TMCC3: variants seen among roughly 807,000 people sequenced by gnomAD.
TMCC3 encodes transmembrane and coiled-coil domain protein 3.
In TMCC3, 28 loss-of-function variants were observed where a neutral mutation model predicts 40.2. The observed-to-expected ratio is 0.70, with a 90% confidence interval of 0.52 to 0.95. TMCC3 has a LOEUF of 0.95. Ranked by LOEUF, TMCC3 falls within the 40% of genes least tolerant of loss-of-function variation. TMCC3 has a pLI of 0.00. For missense variants in TMCC3, 554 were observed against 615.2 expected (o/e 0.90, Z 1.05); for synonymous variants, 255 against 248.5 (o/e 1.03, Z -0.25).
intron 1 of TMCC3, among the ~76,000 whole-genome samples, chr12:94,646,431 C>T (rs1198016832): frequency 3.3e-5 from 3 of 90,732 alleles, no homozygotes; most frequent in Non-Finnish European, 6.1e-5. Context: ...AAGCACACAC[C>T]TTTTTTTTTT....
At chr12:94,632,202 A>G (rs958362782) in intron 1 of TMCC3, among the ~76,000 whole-genome samples, 1 of 152,246 alleles carries the variant, frequency 6.6e-6, no homozygotes. Flanking sequence ...TGATAGAAAT[A>G]TTCTACATCT....
At chr12:94,589,161 C>T (rs1325945172) in intron 1 of TMCC3, among the ~76,000 whole-genome samples, 1 of 151,574 alleles carries the variant, frequency 6.6e-6, no homozygotes, top group African/African-American at 2.4e-5. Context: ...CATTGGCTAT[C>T]GTTAGTGTTA....
At position 94,639,668 on chromosome 12, in the gene TMCC3, AAC is replaced by A. The variant is rs3073591; in HGVS notation, c.78+10683_78+10684del. ...AGATTACAGGAAACACATATATGTA[AAC>A]ACACACACACACACACACACACACA... On this transcript the variant is annotated intron_variant, in intron 1 of 3. Coordinates refer to ENST00000261226, the MANE Select transcript of TMCC3 (RefSeq NM_020698.4). Among the ~76,000 whole-genome samples the A allele has an allele frequency of 5.2e-3, 643 of 124,100 alleles. 1 individual carries two copies. Among genetic ancestry groups the A allele is most frequent in the Middle Eastern group, 0.012 (3 of 250 alleles). The allele number at this position is 124,100 out of a possible 152,430, so 81.4% of individuals were successfully genotyped here. A position where few individuals can be genotyped will look rare whatever the true frequency, so the allele number is the denominator to read the frequency against.
At chr12:94,614,164 T>C (rs1300632280) in intron 1 of TMCC3, among the ~76,000 whole-genome samples, 1 of 152,062 alleles carries the variant, frequency 6.6e-6, no homozygotes, top group Admixed American at 6.6e-5. Context: ...GTGTGTTTGC[T>C]TAAGCTGTAG....
intron 1 of TMCC3, among the ~76,000 whole-genome samples, chr12:94,604,911 G>C (rs915561169): frequency 2.0e-5 from 3 of 151,756 alleles, no homozygotes; most frequent in African/African-American, 7.3e-5. Context: ...AATTGACTTA[G>C]AGGCAGCTCA....
chr12:94,604,444 A>C (rs1566325322), intron 1 of TMCC3, among the ~76,000 whole-genome samples: 1 of 152,080 alleles, frequency 6.6e-6, no homozygotes, highest in Non-Finnish European at 1.5e-5. Flanking sequence ...AAAGAACTGG[A>C]GTCAGAGAAA....
intron 1 of TMCC3, among the ~76,000 whole-genome samples, chr12:94,620,342 T>C (rs753168073): frequency 9.9e-4 from 150 of 151,308 alleles, no homozygotes; most frequent in Non-Finnish European, 1.6e-3. Flanking sequence ...GGCTGGAGTG[T>C]AATGGCGCGA....
At chr12:94,590,990 AG>A (rs2068671390) in intron 1 of TMCC3, 1 of 560,312 alleles carries the variant, frequency 1.8e-6, no homozygotes, top group Non-Finnish European at 3.6e-6. Flanking sequence ...TTGGGAGATG[AG>A]GAAGAAACCG....
chr12:94,571,461 T>C lies in TMCC3; in HGVS notation c.1408A>G (p.Ile470Val), dbSNP rs1408759173. 1.2e-6 allele frequency: 2 copies of C among 1,613,992 alleles called. No homozygotes were observed. The highest frequency in any genetic ancestry group is 1.7e-5 in the Admixed American group (1 of 60,030). Reference protein sequence around the residue: ...CKNWDHILCAIERMIIPR With the variant: ...CKNWDHILCAVERMIIPR ...CATCTTGGTATTATCATCCTTTCTA[T>C]GGCACACAGGATATGGTCCCAGTTT... The change falls in exon 4 of 4, where the codon ATA (isoleucine) becomes GTA (valine). Residue 470 changes from isoleucine (I) to valine (V), a missense_variant. Physicochemically the swap from Ile to Val is conservative, Grantham distance 29. Coordinates refer to ENST00000261226, the MANE Select transcript of TMCC3 (RefSeq NM_020698.4).
chr12:94,579,324 T>C (rs967386390), intron 2 of TMCC3, among the ~76,000 whole-genome samples: 1 of 152,150 alleles, frequency 6.6e-6, no homozygotes, highest in Non-Finnish European at 1.5e-5. Flanking sequence ...CTGGCCAACA[T>C]GGTGAAACCC....
chr12:94,571,494 A>T lies in TMCC3; in HGVS notation c.1375T>A (p.Phe459Ile). 1 of 1,614,108 alleles carries T rather than the reference A, an allele frequency of 6.2e-7. No homozygotes were observed. The highest frequency in any genetic ancestry group is 8.5e-7 in the Non-Finnish European group (1 of 1,180,032). ...TFFAVTLLAI[F>I]CKNWDHILCA... is the part of the protein sequence containing the mutation. ...AGGATATGGTCCCAGTTTTTACAAAATATAGCAAGAAGAGTCACGGCAAAG... is the reference window on the plus strand; with the variant it reads ...AGGATATGGTCCCAGTTTTTACAAATTATAGCAAGAAGAGTCACGGCAAAG... The change falls in exon 4 of 4, where the codon TTT (phenylalanine) becomes ATT (isoleucine). Residue 459 changes from phenylalanine (F) to isoleucine (I), a missense_variant. By Grantham distance (21) the Phe-to-Ile change is conservative. Transcript: ENST00000261226.
In TMCC3 at chr12:94,571,704, T is replaced by A; in HGVS notation, c.1165A>T (p.Lys389Ter). 1 of 1,614,064 alleles carries A rather than the reference T, an allele frequency of 6.2e-7. No homozygotes were observed. The highest frequency in any genetic ancestry group is 8.5e-7 in the Non-Finnish European group (1 of 1,179,992). Residue 389 changes from lysine to a stop codon, truncating the protein, a stop_gained, in exon 4 of 4, where the codon AAG becomes TAG. Coordinates refer to ENST00000261226, the MANE Select transcript of TMCC3 (RefSeq NM_020698.4). LOFTEE classifies it high-confidence loss of function. ...TGCTCTTGCTGGTGGAGCTCCAGCTTAGAAATGCGAGTCTGGCAGGATTCC... is the reference window on the plus strand; with the variant it reads ...TGCTCTTGCTGGTGGAGCTCCAGCTAAGAAATGCGAGTCTGGCAGGATTCC... ...ALESCQTRIS[K>*]LELHQQEQQA...
At chr12:94,585,762 A>G (rs4019547) in intron 1 of TMCC3, among the ~76,000 whole-genome samples, 87,682 of 151,614 alleles carry the variant, frequency 0.58, 25,391 homozygotes, top group South Asian at 0.62. Context: ...CCAGTGGAAC[A>G]CCCCCTCTCC....
At chr12:94,597,418 T>C (rs1322966945) in intron 1 of TMCC3, among the ~76,000 whole-genome samples, 1 of 152,124 alleles carries the variant, frequency 6.6e-6, no homozygotes, top group Admixed American at 6.6e-5. Context: ...ACCGTTGTAA[T>C]TGTGGCAGAC....
Position 94,568,976 on chromosome 12 carries a change from T to C in TMCC3, c.*2459A>G, listed in dbSNP as rs1427496423. 1 of 152,250 alleles carries C rather than the reference T, an allele frequency of 6.6e-6. No homozygotes were observed. The highest frequency in any genetic ancestry group is 1.5e-5 in the Non-Finnish European group (1 of 68,054). The allele number at this position is 152,250 out of a possible 1,614,324, so 9.4% of individuals were successfully genotyped here. ...GAGTGTGCTGCTTTCCATTCTCTTC[T>C]CTACTTCTGTCACTGGGGAGAAGAT... On this transcript the variant is annotated 3_prime_UTR_variant, in exon 4 of 4. Coordinates refer to ENST00000261226, the MANE Select transcript of TMCC3 (RefSeq NM_020698.4).
intron 1 of TMCC3, among the ~76,000 whole-genome samples, chr12:94,615,015 C>T (rs950448469): frequency 6.6e-6 from 1 of 152,168 alleles, no homozygotes; most frequent in African/African-American, 2.4e-5. Flanking sequence ...TTTCCCTCCT[C>T]TCCCACCCCC....
intron 1 of TMCC3, among the ~76,000 whole-genome samples, chr12:94,588,818 G>A (rs2068653580): frequency 7.7e-6 from 1 of 130,294 alleles, no homozygotes; most frequent in African/African-American, 3.1e-5. Context: ...TCTTAAATCG[G>A]TATGAGATTT....
intron 1 of TMCC3, among the ~76,000 whole-genome samples, chr12:94,594,706 A>C (rs2068705035): frequency 1.3e-5 from 2 of 152,278 alleles, no homozygotes; most frequent in South Asian, 4.2e-4. Context: ...AGCAGAGAAA[A>C]GAGGCCAAGC....
At chr12:94,576,547 A>G (rs1416881763) in intron 3 of TMCC3, among the ~76,000 whole-genome samples, 3 of 152,100 alleles carry the variant, frequency 2.0e-5, no homozygotes, top group African/African-American at 7.2e-5. Context: ...CATTGGCACA[A>G]TCACTGTAAC....
Sources: allele counts gnomAD v4.1 joint callset (sites outside exome capture counted in the v4.1 genomes callset), GRCh38; gene constraint gnomAD v4.1.1; transcripts MANE v1.5; gene names NCBI Gene and HGNC (gene_info 2026-07-23, HGNC 2026-07-21).